Variants in NEGR1 observed in about 807,000 individuals in gnomAD.
NEGR1 encodes neuronal growth regulator 1.
A neutral mutation model predicts 40.9 loss-of-function variants in NEGR1; 10 were observed. The ratio of observed to expected loss-of-function variants is 0.24; its 90% confidence interval spans 0.15 to 0.42. The LOEUF (loss-of-function observed/expected upper bound fraction) is 0.42, where lower values mean the gene tolerates loss of function less well. NEGR1 is among the 10% of genes least tolerant of loss of function. The probability of loss-of-function intolerance (pLI) is 1.00; values close to 1 mark genes in which losing one functional copy is unlikely to be tolerated. For missense variants in NEGR1, 352 were observed against 438.9 expected (o/e 0.80, Z 1.77); for synonymous variants, 185 against 166.8 (o/e 1.11, Z -0.84).
intron 6 of NEGR1, among the ~76,000 whole-genome samples, chr1:71,579,868 C>T (rs540389269): frequency 1.3e-5 from 2 of 152,198 alleles, no homozygotes; most frequent in East Asian, 3.9e-4. Flanking sequence ...TCTGAGGTCT[C>T]ATACCTTAGG....
At position 72,185,932 on chromosome 1, in the gene NEGR1, C is replaced by T. The variant is rs114774108; in HGVS notation, c.176+96387G>A. On this transcript the variant is annotated intron_variant, in intron 1 of 6. Transcript: ENST00000357731. ...CCATATAGGGGAAAATACAAATGCT[C>T]TATTTTGGCATTGCATGTCTTTATT... Among the ~76,000 whole-genome samples the T allele has an allele frequency of 4.4e-3, 669 of 151,864 alleles. 5 individuals are homozygous for T. The highest frequency in any genetic ancestry group is 0.015 in the African/African-American group (643 of 41,514).
intron 1 of NEGR1, among the ~76,000 whole-genome samples, chr1:72,150,455 T>C (rs1651078550): frequency 6.6e-6 from 1 of 152,162 alleles, no homozygotes; most frequent in Non-Finnish European, 1.5e-5. Context: ...TTGAGGAAGA[T>C]ATTTCTGATG....
At chr1:72,031,248 T>C (rs1220463119) in intron 1 of NEGR1, among the ~76,000 whole-genome samples, 1 of 152,182 alleles carries the variant, frequency 6.6e-6, no homozygotes, top group Non-Finnish European at 1.5e-5. Flanking sequence ...ATTTTAGAAT[T>C]GTTTCATGAA....
intron 1 of NEGR1, among the ~76,000 whole-genome samples, chr1:72,055,461 T>C (rs1057329219): frequency 5.9e-5 from 9 of 151,292 alleles, no homozygotes; most frequent in Admixed American, 4.6e-4. Context: ...AAATGTGTTC[T>C]TTCCTTTGAC....
chr1:71,748,450 G>C (rs894748385), intron 3 of NEGR1, among the ~76,000 whole-genome samples: 1 of 152,102 alleles, frequency 6.6e-6, no homozygotes, highest in Non-Finnish European at 1.5e-5. Flanking sequence ...AAGGTAGACT[G>C]CTATATTTTC....
chr1:72,078,584 G>T (rs890706364), intron 1 of NEGR1, among the ~76,000 whole-genome samples: 1 of 148,928 alleles, frequency 6.7e-6, no homozygotes, highest in Non-Finnish European at 1.5e-5. Flanking sequence ...AATTAAAAGT[G>T]ATATAAATAT....
At chr1:72,274,390 G>T (rs12127789) in intron 1 of NEGR1, among the ~76,000 whole-genome samples, 12,650 of 152,072 alleles carry the variant, frequency 0.083, 655 homozygotes, top group Non-Finnish European at 0.12. Flanking sequence ...CCAAACCGTG[G>T]ACTATTCAAT....
chr1:71,656,538 G>A (rs1245356614), intron 4 of NEGR1, among the ~76,000 whole-genome samples: 4 of 151,968 alleles, frequency 2.6e-5, no homozygotes, highest in Non-Finnish European at 5.9e-5. Flanking sequence ...TCAGCCTCCC[G>A]AGTAGCTGGG....
intron 6 of NEGR1, among the ~76,000 whole-genome samples, chr1:71,536,126 G>T (rs72677110): frequency 6.6e-4 from 100 of 151,806 alleles, no homozygotes; most frequent in Non-Finnish European, 1.0e-3. Context: ...AGAATGGCAT[G>T]AGTAAGGAAA....
intron 6 of NEGR1, among the ~76,000 whole-genome samples, chr1:71,445,309 T>TAA (rs749842511): frequency 0.034 from 5,115 of 150,262 alleles, 109 homozygotes; most frequent in Non-Finnish European, 0.043. Context: ...CTTTTTTTTT[T>TAA]AAAAAAAAAA....
chr1:71,547,397 C>A (rs943115201), intron 6 of NEGR1, among the ~76,000 whole-genome samples: 1 of 151,522 alleles, frequency 6.6e-6, no homozygotes, highest in Non-Finnish European at 1.5e-5. Flanking sequence ...GCAAAGTTAC[C>A]GGAGTGAAAA....
chr1:72,225,875 T>A (rs547990310), intron 1 of NEGR1, among the ~76,000 whole-genome samples: 1 of 151,914 alleles, frequency 6.6e-6, no homozygotes, highest in East Asian at 1.9e-4. Context: ...TCACTTTTGA[T>A]GAAAGTGAAT....
At chr1:72,129,925 G>T (rs1009301407) in intron 1 of NEGR1, among the ~76,000 whole-genome samples, 2 of 151,898 alleles carry the variant, frequency 1.3e-5, no homozygotes, top group East Asian at 3.9e-4. Flanking sequence ...CATTGCCTTT[G>T]CCCAGATTAA....
chr1:71,986,176 T>G (rs186063830), intron 1 of NEGR1, among the ~76,000 whole-genome samples: 144 of 152,330 alleles, frequency 9.5e-4, no homozygotes, highest in African/African-American at 3.1e-3. Flanking sequence ...GTTTTTATCA[T>G]TTTATAAAAT....
chr1:71,887,842 T>G (rs1660768056), intron 2 of NEGR1, among the ~76,000 whole-genome samples: 1 of 152,124 alleles, frequency 6.6e-6, no homozygotes, highest in African/African-American at 2.4e-5. Flanking sequence ...TCCTGAAAGA[T>G]CAGGTGGAAA....
At chr1:71,925,599 C>T (rs1399317369) in intron 2 of NEGR1, among the ~76,000 whole-genome samples, 1 of 152,088 alleles carries the variant, frequency 6.6e-6, no homozygotes, top group African/African-American at 2.4e-5. Context: ...TTCCAATTTT[C>T]TCCTGCAAAA....
At chr1:71,741,483 A>G (rs1655211551) in intron 3 of NEGR1, among the ~76,000 whole-genome samples, 2 of 152,134 alleles carry the variant, frequency 1.3e-5, no homozygotes, top group African/African-American at 4.8e-5. Context: ...GGAAAAACTC[A>G]TTAATCTCTC....
At position 71,849,150 on chromosome 1, in the gene NEGR1, C is replaced by T. The variant is rs117991717; in HGVS notation, c.410-72853G>A. Among the ~76,000 whole-genome samples, 109 of 152,032 alleles carry T rather than the reference C, an allele frequency of 7.2e-4. No homozygotes were observed. In the East Asian group the frequency reaches 0.016, roughly 22 times the overall value. ...CTATAGCTGCCACAGACAGTGATTCCTCTGATGGATCTGGGTAAAGTAAAT... is the reference window on the plus strand; with the variant it reads ...CTATAGCTGCCACAGACAGTGATTCTTCTGATGGATCTGGGTAAAGTAAAT... On this transcript the variant is annotated intron_variant, in intron 2 of 6. Coordinates refer to ENST00000357731, the MANE Select transcript of NEGR1 (RefSeq NM_173808.3).
intron 2 of NEGR1, among the ~76,000 whole-genome samples, chr1:71,816,934 T>C (rs886091928): frequency 8.4e-6 from 1 of 119,166 alleles, no homozygotes; most frequent in Non-Finnish European, 1.7e-5. Flanking sequence ...TTTTTTTCTC[T>C]ATCTATCTCT....
Sources: gnomAD v4.1 joint callset for allele counts (sites outside exome capture counted in the v4.1 genomes callset) on GRCh38, gnomAD v4.1.1 for gene constraint, MANE v1.5 for transcripts, NCBI Gene and HGNC (gene_info 2026-07-23, HGNC 2026-07-21) for gene names.